ADGRB3: variants seen among roughly 807,000 people sequenced by gnomAD.
The protein encoded by ADGRB3 is brain-specific angiogenesis inhibitor 3.
Under a neutral mutation model 193.4 loss-of-function variants are expected in ADGRB3, and 37 were observed. The observed-to-expected ratio is 0.19, with a 90% CI of 0.15 to 0.25. The LOEUF is 0.25. Ranked by LOEUF, ADGRB3 falls within the 10% of genes least tolerant of loss-of-function variation. ADGRB3 has a pLI of 1.00. For synonymous variants in ADGRB3, 690 were observed against 644.2 expected (o/e 1.07, Z -1.08); for missense variants, 1,637 against 1,852.9 (o/e 0.88, Z 2.14).
chr6:68,781,173 T>C (rs1171558186), intron 3 of ADGRB3, among the ~76,000 whole-genome samples: 7 of 152,158 alleles, frequency 4.6e-5, no homozygotes, highest in Non-Finnish European at 7.4e-5. Context: ...TAGTTTCTTG[T>C]CTTCAGCGAA....
intron 3 of ADGRB3, among the ~76,000 whole-genome samples, chr6:68,883,523 C>A (rs1332767432): frequency 6.6e-6 from 1 of 152,198 alleles, no homozygotes; most frequent in Non-Finnish European, 1.5e-5. Flanking sequence ...CTGTAACACT[C>A]ACCACAAAGG....
intron 17 of ADGRB3, among the ~76,000 whole-genome samples, chr6:69,229,679 A>G (rs575072467): frequency 2.3e-4 from 35 of 152,318 alleles, no homozygotes; most frequent in African/African-American, 5.8e-4. Flanking sequence ...ATGTGTCACT[A>G]TGAATTTTTG....
At chr6:68,888,544 C>T (rs1765977755) in intron 3 of ADGRB3, among the ~76,000 whole-genome samples, 2 of 142,786 alleles carry the variant, frequency 1.4e-5, no homozygotes, top group South Asian at 4.4e-4. Flanking sequence ...GTAATAGATA[C>T]ACACACACAC....
intron 10 of ADGRB3, among the ~76,000 whole-genome samples, chr6:68,983,824 A>T (rs1410327935): frequency 6.6e-6 from 1 of 152,200 alleles, no homozygotes; most frequent in African/African-American, 2.4e-5. Context: ...ACGACTTCAG[A>T]TTAAAATAAA....
intron 17 of ADGRB3, among the ~76,000 whole-genome samples, chr6:69,143,958 AG>A (rs1292215415): frequency 6.6e-6 from 1 of 152,192 alleles, no homozygotes; most frequent in Non-Finnish European, 1.5e-5. Flanking sequence ...CTGAATTTGT[AG>A]ATTGCTTTGG....
chr6:68,999,964 G>GAA (rs71768860), intron 11 of ADGRB3, among the ~76,000 whole-genome samples: 20 of 149,658 alleles, frequency 1.3e-4, no homozygotes, highest in East Asian at 9.8e-4. Flanking sequence ...AGGAAAAAAA[G>GAA]AAAAAAAAAT....
chr6:68,851,301 C>T (rs1398744554), intron 3 of ADGRB3, among the ~76,000 whole-genome samples: 3 of 151,742 alleles, frequency 2.0e-5, no homozygotes, highest in Non-Finnish European at 3.0e-5. Context: ...CTCTAGTTTT[C>T]AAATATTATA....
At chr6:68,759,615 G>T (rs886274514) in intron 3 of ADGRB3, among the ~76,000 whole-genome samples, 1 of 151,960 alleles carries the variant, frequency 6.6e-6, no homozygotes, top group Non-Finnish European at 1.5e-5. Flanking sequence ...TAAAATTGAG[G>T]TCATGTATTC....
At chr6:68,919,650 G>A (rs1263035675) in intron 3 of ADGRB3, among the ~76,000 whole-genome samples, 1 of 152,162 alleles carries the variant, frequency 6.6e-6, no homozygotes. Flanking sequence ...TTAAAATCCT[G>A]TCAGCCTTGA....
At chr6:69,187,649 G>C (rs1765098582) in intron 17 of ADGRB3, among the ~76,000 whole-genome samples, 1 of 152,184 alleles carries the variant, frequency 6.6e-6, no homozygotes, top group South Asian at 2.1e-4. Context: ...CAGCTTAAAA[G>C]CAGAATGGAA....
intron 20 of ADGRB3, among the ~76,000 whole-genome samples, chr6:69,239,971 C>T (rs781733140): frequency 6.6e-6 from 1 of 151,986 alleles, no homozygotes; most frequent in Non-Finnish European, 1.5e-5. Flanking sequence ...ATTTGTCAAT[C>T]GATCACATGC....
intron 17 of ADGRB3, among the ~76,000 whole-genome samples, chr6:69,151,615 T>C (rs564860348): frequency 6.6e-6 from 1 of 152,286 alleles, no homozygotes; most frequent in South Asian, 2.1e-4. Flanking sequence ...TAGATGGCTG[T>C]TAAATTCAGT....
chr6:68,689,563 G>A (rs1366310646), intron 3 of ADGRB3, among the ~76,000 whole-genome samples: 1 of 152,104 alleles, frequency 6.6e-6, no homozygotes, highest in African/African-American at 2.4e-5. Context: ...TTAAAATTAT[G>A]AGAATCTCTT....
chr6:69,206,045 G>GTATATATATATATA (rs56741913), intron 17 of ADGRB3, among the ~76,000 whole-genome samples: 30 of 99,926 alleles, frequency 3.0e-4, no homozygotes, highest in East Asian at 6.8e-4. Context: ...TATAATAATG[G>GTATATATATATATA]TATATATATA....
chr6:69,217,907 T>A (rs1037885707), intron 17 of ADGRB3, among the ~76,000 whole-genome samples: 4 of 151,620 alleles, frequency 2.6e-5, no homozygotes, highest in South Asian at 2.1e-4. Flanking sequence ...TATTCAGTTT[T>A]AAAAAAAACT....
chr6:69,155,616 C>T (rs1774812576), intron 17 of ADGRB3, among the ~76,000 whole-genome samples: 1 of 152,126 alleles, frequency 6.6e-6, no homozygotes, highest in Admixed American at 6.5e-5. Context: ...TAAGAGCTGC[C>T]ATTTATTACT....
Position 69,082,428 on chromosome 6 carries a change from A to G in ADGRB3, c.2480+6390A>G, listed in dbSNP as rs545924893. Among the ~76,000 whole-genome samples the G allele has an allele frequency of 6.6e-5, 10 of 152,110 alleles. No homozygotes were observed. The South Asian group carries it at 1.7e-3, about 25-fold the overall frequency. On this transcript the variant is annotated intron_variant, in intron 17 of 31. Coordinates refer to ENST00000370598, the MANE Select transcript of ADGRB3 (RefSeq NM_001704.3). ...ATTCTCATCTGTAATACCGAATAAT[A>G]TTGTTTCCTATCCTTTTCATCTCAT... is the stretch of plus-strand genomic sequence containing the variant.
intron 17 of ADGRB3, among the ~76,000 whole-genome samples, chr6:69,158,564 TA>T (rs1451911338): frequency 6.6e-6 from 1 of 152,098 alleles, no homozygotes; most frequent in Non-Finnish European, 1.5e-5. Context: ...TATGGCTTTA[TA>T]AAAATAGAAA....
At chr6:69,334,546 CTT>C (rs1174351048) in intron 24 of ADGRB3, among the ~76,000 whole-genome samples, 1 of 152,166 alleles carries the variant, frequency 6.6e-6, no homozygotes, top group Non-Finnish European at 1.5e-5. Context: ...AATATGTAGA[CTT>C]GAACGTAGTA....
Sources: gnomAD v4.1 joint callset for allele counts (sites outside exome capture counted in the v4.1 genomes callset) on GRCh38, gnomAD v4.1.1 for gene constraint, MANE v1.5 for transcripts, NCBI Gene and HGNC (gene_info 2026-07-23, HGNC 2026-07-21) for gene names.